THUMPD2: variants seen among roughly 807,000 people sequenced by gnomAD.
The protein encoded by THUMPD2 is THUMP domain 2 tRNA and snRNA guanosine methyltransferase.
A neutral mutation model predicts 49.4 loss-of-function variants in THUMPD2; 56 were observed. The observed-to-expected ratio is 1.13, with a 90% CI of 0.91 to 1.41. The LOEUF (loss-of-function observed/expected upper bound fraction) is 1.41. THUMPD2 is among the 40% of genes most tolerant of loss of function. The pLI is 0.00. For missense variants in THUMPD2, 709 were observed against 594.5 expected, an observed-to-expected ratio of 1.19 and a Z score of -2.00; for synonymous variants, 237 against 205.2, an observed-to-expected ratio of 1.15 and a Z score of -1.32.
At chr2:39,744,564 T>A in intron 8 of THUMPD2, 86 bp from the exon 9 acceptor site, 5 of 823,316 alleles carry the variant, frequency 6.1e-6, no homozygotes, top group African/African-American at 1.8e-5. Context: ...TACACAGGAT[T>A]ATTTTTGCGT....
chr2:39,775,314 C>T (rs898550352), intron 1 of THUMPD2, among the ~76,000 whole-genome samples: 2 of 152,106 alleles, frequency 1.3e-5, no homozygotes, highest in Non-Finnish European at 2.9e-5. Flanking sequence ...TGCAAAAACA[C>T]ATCATGATAT....
In THUMPD2 at chr2:39,769,657, T is replaced by C. The variant is rs1678045853; in HGVS notation, c.672+53A>G. The C allele has an allele frequency of 2.1e-6, 3 of 1,461,224 alleles. No individual in the cohort carries two copies. In the South Asian group the frequency reaches 4.7e-5, roughly 23 times the overall value. 90.5% of individuals were successfully genotyped at this position (1,461,224 alleles called of 1,614,324 possible). A position where few individuals can be genotyped will look rare whatever the true frequency, so the allele number is the denominator to read the frequency against. On this transcript the variant is annotated intron_variant, in intron 3 of 9. Coordinates refer to ENST00000505747, the MANE Select transcript of THUMPD2 (RefSeq NM_025264.5). The stretch of plus-strand genomic sequence containing the variant: ...GTGGAGGTTGCAGTGAGCCAGATTG[T>C]GCAACTGCATTCCAGCCTGGGCGAC...
intron 9 of THUMPD2, among the ~76,000 whole-genome samples, chr2:39,738,621 T>TAATA (rs777214850): frequency 0.068 from 8,053 of 119,100 alleles, 378 homozygotes; most frequent in African/African-American, 0.17. Context: ...ATAATATATA[T>TAATA]TATATATTTA....
rs139525605 is a variant in THUMPD2, at chr2:39,736,746, A to G, written c.1501T>C (p.Ser501Pro). Reference protein sequence around the residue: ...FICKYKKSHSSGL With the variant: ...FICKYKKSHSPGL ...TGGCAGCAAGCCTGCTACAGTCCAG[A>G]AGAGTGCGACTTCTTATATTTACAT... Residue 501 changes from serine (S) to proline (P), a missense_variant, in exon 10 of 10, where the codon TCT becomes CCT. By Grantham distance (74) the Ser-to-Pro change is moderately conservative (BLOSUM62 -1). Transcript: ENST00000505747. The G allele has an allele frequency of 4.6e-4, 742 of 1,613,718 alleles. 4 individuals are homozygous for G. The African/African-American group carries it at 8.9e-3, about 19-fold the overall frequency.
chr2:39,739,216 T>C (rs12471951), intron 9 of THUMPD2, among the ~76,000 whole-genome samples: 13 of 152,086 alleles, frequency 8.5e-5, no homozygotes, highest in Admixed American at 8.5e-4. Context: ...CTAACCCCCT[T>C]ACTCTGGCAT....
intron 6 of THUMPD2, among the ~76,000 whole-genome samples, chr2:39,757,094 C>T (rs1016136277): frequency 8.6e-5 from 13 of 152,010 alleles, no homozygotes; most frequent in African/African-American, 2.4e-4. Context: ...AGAATCATGA[C>T]GGGATAATGG....
intron 1 of THUMPD2, 24 bp downstream of exon 1, chr2:39,779,090 A>G: frequency 6.7e-7 from 1 of 1,495,432 alleles, no homozygotes; most frequent in East Asian, 2.8e-5. Flanking sequence ...CCACCTCCCC[A>G]GGCGCGCAGC....
At chr2:39,757,305 T>C in intron 6 of THUMPD2, 1 of 984,300 alleles carries the variant, frequency 1.0e-6, no homozygotes, top group Non-Finnish European at 1.4e-6. Flanking sequence ...CACCACTTGA[T>C]ATGTCTACAG....
intron 1 of THUMPD2, among the ~76,000 whole-genome samples, chr2:39,778,027 C>G (rs1028130066): frequency 6.6e-6 from 1 of 152,140 alleles, no homozygotes; most frequent in African/African-American, 2.4e-5. Flanking sequence ...CTTGATTTCC[C>G]AGCTCGGGTT....
In THUMPD2 at chr2:39,744,417, CT is replaced by C; in HGVS notation, c.1139del (p.Lys380SerfsTer4). On this transcript the variant is annotated frameshift_variant, in exon 9 of 10. Transcript: ENST00000505747. LOFTEE classifies it low-confidence loss of function (END_TRUNC). ...TTTTGATGTCTTTTCCTAACTTAAA[CT>C]TTTTCCCAAATGGAATGTCAGAAAT... ...IIISDIPFGKKFKLGKDIKSI... is the reference protein window; with the variant it reads ...IIISDIPFGKXFKLGKDIKSI... 2 of 1,589,726 alleles carry C rather than the reference CT, an allele frequency of 1.3e-6. No individual in the cohort carries two copies. The highest frequency in any genetic ancestry group is 1.8e-5 in the Admixed American group (1 of 54,706).
chr2:39,740,347 G>C (rs1308015688), intron 9 of THUMPD2, among the ~76,000 whole-genome samples: 1 of 152,156 alleles, frequency 6.6e-6, no homozygotes, highest in Admixed American at 6.5e-5. Context: ...TGATCAGAAA[G>C]GAGATTCATG....
chr2:39,743,775 G>T (rs994000596), intron 9 of THUMPD2, among the ~76,000 whole-genome samples: 2 of 152,166 alleles, frequency 1.3e-5, no homozygotes, highest in Non-Finnish European at 2.9e-5. Context: ...CTGGCACTGT[G>T]CTTCTTTTAC....
At chr2:39,758,957 A>G (rs1343163236) in intron 6 of THUMPD2, among the ~76,000 whole-genome samples, 1 of 152,196 alleles carries the variant, frequency 6.6e-6, no homozygotes, top group East Asian at 1.9e-4. Flanking sequence ...TACCTTTTGA[A>G]GCTAAAAAGT....
chr2:39,761,128 G>A (rs1285135251), intron 6 of THUMPD2, among the ~76,000 whole-genome samples: 2 of 152,000 alleles, frequency 1.3e-5, no homozygotes, highest in East Asian at 3.8e-4. Context: ...CTTTTTCAGA[G>A]CCAAAATACT....
At chr2:39,767,031 TATAA>T (rs1279503817) in intron 4 of THUMPD2, among the ~76,000 whole-genome samples, 2 of 152,260 alleles carry the variant, frequency 1.3e-5, no homozygotes, top group Non-Finnish European at 2.9e-5. Context: ...CCTCTCCCAC[TATAA>T]ATGTTTTCCT....
chr2:39,752,150 A>G (rs940491051), intron 8 of THUMPD2, among the ~76,000 whole-genome samples: 4 of 152,224 alleles, frequency 2.6e-5, no homozygotes, highest in African/African-American at 9.6e-5. Flanking sequence ...TCCTAGGTAT[A>G]CCAACATACC....
chr2:39,772,940 T>C (rs1341275706), intron 1 of THUMPD2, among the ~76,000 whole-genome samples: 2 of 152,168 alleles, frequency 1.3e-5, no homozygotes, highest in South Asian at 4.1e-4. Context: ...GAATCTCTCC[T>C]GAGGAAGTGC....
At chr2:39,745,021 CTGAT>C (rs768199666) in intron 8 of THUMPD2, among the ~76,000 whole-genome samples, 4 of 152,102 alleles carry the variant, frequency 2.6e-5, no homozygotes, top group African/African-American at 7.2e-5. Context: ...ATTATTGTGT[CTGAT>C]TAATTCTAAA....
chr2:39,743,657 T>G (rs1674201806), intron 9 of THUMPD2, among the ~76,000 whole-genome samples: 1 of 152,112 alleles, frequency 6.6e-6, no homozygotes, highest in Non-Finnish European at 1.5e-5. Flanking sequence ...ACCTCCCCCT[T>G]CTCCCTCTTG....
Sources: allele counts gnomAD v4.1 joint callset (sites outside exome capture counted in the v4.1 genomes callset), GRCh38; gene constraint gnomAD v4.1.1; transcripts MANE v1.5; gene names NCBI Gene and HGNC (gene_info 2026-07-23, HGNC 2026-07-21).